The following SEMA3C variants were observed in gnomAD, a reference collection of about 807,000 sequenced individuals.
SEMA3C encodes semaphorin 3C, also known as semaphorin-3C.
In SEMA3C, 47 loss-of-function variants were observed where a neutral mutation model predicts 89.4. The ratio of observed to expected loss-of-function variants is 0.53; its 90% CI spans 0.42 to 0.67. SEMA3C has a LOEUF of 0.67. SEMA3C is among the 30% of genes least tolerant of loss of function. SEMA3C has a pLI of 0.00. For synonymous variants in SEMA3C, 310 were observed against 320.2 expected (o/e 0.97, Z 0.34); for missense variants, 839 against 929.1 (o/e 0.90, Z 1.26).
At chr7:80,825,513 A>C (rs1197499388) in intron 4 of SEMA3C, among the ~76,000 whole-genome samples, 1 of 152,206 alleles carries the variant, frequency 6.6e-6, no homozygotes, top group African/African-American at 2.4e-5. Flanking sequence ...TTTAATTGTC[A>C]GAAAGCAAAA....
At chr7:80,842,512 A>C (rs1790293353) in intron 2 of SEMA3C, among the ~76,000 whole-genome samples, 1 of 152,128 alleles carries the variant, frequency 6.6e-6, no homozygotes, top group Non-Finnish European at 1.5e-5. Flanking sequence ...TTTCTTTTTA[A>C]TTTTCAGTAA....
In SEMA3C at chr7:80,828,736, T is replaced by A; in HGVS notation, c.113A>T (p.Glu38Val). 6.2e-7 allele frequency: 1 copy of A among 1,605,194 alleles called. No individual in the cohort carries two copies. The highest frequency in any genetic ancestry group is 8.5e-7 in the Non-Finnish European group (1 of 1,174,704). Residue 38 changes from glutamate to valine, a missense_variant, in exon 3 of 18, where the codon GAA becomes GTA. Glu to Val is a moderately radical substitution (Grantham distance 121). Transcript: ENST00000265361. The stretch of plus-strand genomic sequence containing the variant: ...GCTGAAGTATTCAGAGGTCTTGGTT[T>A]CTCGAAGTTCTGAAAGAGTGAACAG... The part of the protein sequence containing the change: ...RVYLTFDELR[E>V]TKTSEYFSLS...
chr7:80,917,741 C>T (rs1415646074), intron 1 of SEMA3C, among the ~76,000 whole-genome samples: 2 of 152,136 alleles, frequency 1.3e-5, no homozygotes, highest in South Asian at 2.1e-4. Flanking sequence ...TTTGCTTCTA[C>T]CATAATTACA....
At chr7:80,752,185 T>A (rs1470705405) in intron 15 of SEMA3C, among the ~76,000 whole-genome samples, 4 of 152,364 alleles carry the variant, frequency 2.6e-5, no homozygotes, top group Non-Finnish European at 5.9e-5. Flanking sequence ...CATAATCTAA[T>A]GCATATTCTA....
intron 2 of SEMA3C, among the ~76,000 whole-genome samples, chr7:80,875,986 G>T (rs1346528839): frequency 6.6e-6 from 1 of 152,064 alleles, no homozygotes; most frequent in Non-Finnish European, 1.5e-5. Flanking sequence ...ACCTCAAACT[G>T]CAAAACTTAT....
rs187294300 is a variant in SEMA3C, at chr7:80,845,092, G to A, written c.104-16347C>T. ...AGGGCCTCCCCAACCCTGTTGATAC[G>A]ACCTCTCCCCCTCCACTGTTTACAA... On this transcript the variant is annotated intron_variant, in intron 2 of 17. Coordinates refer to ENST00000265361, the MANE Select transcript of SEMA3C (RefSeq NM_006379.5). 9.9e-4 allele frequency among the ~76,000 whole-genome samples: 150 copies of A among 152,134 alleles called. 2 individuals carry two copies. The highest frequency in any genetic ancestry group is 6.6e-4 in the Non-Finnish European group (45 of 67,998).
At position 80,742,804 on chromosome 7, in the gene SEMA3C, T is replaced by G. The variant is rs1197787244; in HGVS notation, c.*2090A>C. 1 of 151,930 alleles carries G rather than the reference T, an allele frequency of 6.6e-6. No individual in the cohort carries two copies. The highest frequency in any genetic ancestry group is 2.4e-5 in the African/African-American group (1 of 41,438). The allele number at this position is 151,930 out of a possible 1,614,324, so 9.4% of individuals were successfully genotyped here. On this transcript the variant is annotated 3_prime_UTR_variant, in exon 18 of 18. Coordinates refer to ENST00000265361, the MANE Select transcript of SEMA3C (RefSeq NM_006379.5). The stretch of plus-strand genomic sequence containing the variant: ...TAAAATAAAACCAATCAACCACCAG[T>G]AGTATACATTAACAGCATTTTTGAA...
intron 16 of SEMA3C, among the ~76,000 whole-genome samples, chr7:80,750,857 G>C (rs1011854651): frequency 6.6e-6 from 1 of 152,046 alleles, no homozygotes; most frequent in Non-Finnish European, 1.5e-5. Flanking sequence ...TAATGCCACA[G>C]AACTGTAAAC....
chr7:80,913,303 A>C lies in SEMA3C; in HGVS notation c.103+3376T>G, dbSNP rs977199162. Among the ~76,000 whole-genome samples, 4 of 152,264 alleles carry C rather than the reference A, an allele frequency of 2.6e-5. No individual in the cohort carries two copies. In the East Asian group the frequency reaches 7.7e-4, roughly 29 times the overall value. On this transcript the variant is annotated intron_variant, in intron 2 of 17. Coordinates refer to ENST00000265361, the MANE Select transcript of SEMA3C (RefSeq NM_006379.5). ...GTAATCCCAGCTACTCGGGAGGCTG[A>C]GGCAGGACAATTGCTTGAACCCAGG...
chr7:80,838,887 G>A (rs1160772359), intron 2 of SEMA3C, among the ~76,000 whole-genome samples: 1 of 152,154 alleles, frequency 6.6e-6, no homozygotes, highest in Non-Finnish European at 1.5e-5. Flanking sequence ...GATTACAACT[G>A]AGATGAGATT....
chr7:80,808,669 G>A (rs1583897496), intron 6 of SEMA3C, among the ~76,000 whole-genome samples: 1 of 152,006 alleles, frequency 6.6e-6, no homozygotes, highest in East Asian at 1.9e-4. Context: ...CTGTTCTATG[G>A]TTGAAAGATG....
At chr7:80,877,361 G>A (rs1791225470) in intron 2 of SEMA3C, among the ~76,000 whole-genome samples, 1 of 152,024 alleles carries the variant, frequency 6.6e-6, no homozygotes, top group Admixed American at 6.5e-5. Context: ...CATGCCTACT[G>A]AATTCTTCAA....
chr7:80,919,070 G>A (rs1792348336), upstream of SEMA3C: 1 of 985,160 alleles, frequency 1.0e-6, no homozygotes, highest in Non-Finnish European at 1.2e-6. Flanking sequence ...AGTGGCCGGA[G>A]GCCGGGGGCG....
intron 11 of SEMA3C, among the ~76,000 whole-genome samples, chr7:80,792,379 A>G (rs1440188460): frequency 6.6e-6 from 1 of 152,252 alleles, no homozygotes; most frequent in Non-Finnish European, 1.5e-5. Context: ...AACTTTATAA[A>G]ACACCGCTAA....
At chr7:80,870,233 A>G (rs749612284) in intron 2 of SEMA3C, among the ~76,000 whole-genome samples, 1 of 152,170 alleles carries the variant, frequency 6.6e-6, no homozygotes, top group Non-Finnish European at 1.5e-5. Flanking sequence ...TGGGAAGACA[A>G]TACCCTTCTC....
At chr7:80,771,674 T>C (rs1788437473) in intron 12 of SEMA3C, among the ~76,000 whole-genome samples, 2 of 152,158 alleles carry the variant, frequency 1.3e-5, no homozygotes, top group African/African-American at 4.8e-5. Flanking sequence ...TCCTGAGTCT[T>C]ATGTAAACAG....
chr7:80,783,413 A>G (rs756397254), intron 12 of SEMA3C, among the ~76,000 whole-genome samples: 1 of 152,150 alleles, frequency 6.6e-6, no homozygotes. Context: ...ATCCCTGTAG[A>G]ATCTATGGTA....
intron 6 of SEMA3C, among the ~76,000 whole-genome samples, chr7:80,809,756 G>A (rs1430834547): frequency 2.6e-5 from 4 of 152,154 alleles, no homozygotes; most frequent in Middle Eastern, 3.4e-3. Flanking sequence ...ATATATACAC[G>A]ATGGAATACT....
intron 2 of SEMA3C, among the ~76,000 whole-genome samples, chr7:80,914,388 C>A (rs550489707): frequency 2.0e-5 from 3 of 146,806 alleles, no homozygotes; most frequent in Non-Finnish European, 4.6e-5. Context: ...TTTGAACAGG[C>A]ATTTCAAGCA....
Sources: gnomAD v4.1 joint callset for allele counts (sites outside exome capture counted in the v4.1 genomes callset) on GRCh38, gnomAD v4.1.1 for gene constraint, MANE v1.5 for transcripts, NCBI Gene and HGNC (gene_info 2026-07-23, HGNC 2026-07-21) for gene names.